ZNF567: variants seen among roughly 807,000 people sequenced by gnomAD.
ZNF567 encodes the protein zinc finger protein 567.
Under a neutral mutation model 53.9 loss-of-function variants are expected in ZNF567, and 36 were observed. The ratio of observed to expected loss-of-function variants is 0.67; its 90% CI spans 0.51 to 0.88. ZNF567 has a LOEUF of 0.88. Among genes scored for constraint, ZNF567 ranks in the 40% least tolerant of loss-of-function variants. ZNF567 has a pLI of 0.00. For synonymous variants in ZNF567, 224 were observed against 260.4 expected, an observed-to-expected ratio of 0.86 and a Z score of 1.35; for missense variants, 619 against 764.7, an observed-to-expected ratio of 0.81 and a Z score of 2.25.
chr19:36,719,680 G>A lies in ZNF567; in HGVS notation c.956G>A (p.Arg319His), dbSNP rs763031998. 19 of 1,613,958 alleles carry A rather than the reference G, an allele frequency of 1.2e-5. No individual in the cohort carries two copies. Among genetic ancestry groups the A allele is most frequent in the East Asian group, 8.9e-5 (4 of 44,882 alleles). ...FVCNECGKSF[R>H]LKTALTDHQR... ...TGCAATGAATGTGGTAAGTCCTTCC[G>A]CCTCAAGACAGCCCTCACTGATCAT... Residue 319 changes from arginine to histidine, a missense_variant, in exon 6 of 6, where the codon CGC (arginine) becomes CAC (histidine). Physicochemically the swap from Arg to His is conservative, Grantham distance 29 (BLOSUM62 0). Coordinates refer to ENST00000682579, the MANE Select transcript of ZNF567 (RefSeq NM_001322917.1).
intron 2 of ZNF567, among the ~76,000 whole-genome samples, chr19:36,694,238 C>T (rs559778087): frequency 6.6e-6 from 1 of 152,100 alleles, no homozygotes; most frequent in South Asian, 2.1e-4. Context: ...GGATTAATTT[C>T]CTTCCTTTAA....
downstream of ZNF567, chr19:36,727,051 T>TTTTTTTTATTTATTTATTTA (rs375039358): frequency 1.7e-5 from 2 of 120,866 alleles, no homozygotes; most frequent in Non-Finnish European, 3.3e-5. Context: ...AGTAGATCAA[T>TTTTTTTTATTTATTTATTTA]TTTATTTATT....
downstream of ZNF567, chr19:36,723,417 A>T (rs2040320430): frequency 1.8e-6 from 1 of 569,408 alleles, no homozygotes; most frequent in African/African-American, 1.9e-5. Context: ...GTTTCAGTAG[A>T]ACATTGTATC....
chr19:36,723,527 T>A (rs552007339), downstream of ZNF567, among the ~76,000 whole-genome samples: 1 of 152,280 alleles, frequency 6.6e-6, no homozygotes, highest in East Asian at 1.9e-4. Context: ...GGCAGTTTTA[T>A]AAATGGCCAA....
the ZNF567 span, among the ~76,000 whole-genome samples, chr19:36,676,055 CTTTTTTTTTTTTT>C: frequency 3.3e-5 from 2 of 60,600 alleles, no homozygotes; most frequent in East Asian, 5.1e-4. Flanking sequence ...TATTCTACAC[CTTTTTTTTTTTTT>C]TTTTTTTTTT....
chr19:36,721,058 G>GT lies in ZNF567; in HGVS notation c.*390_*391insT, dbSNP rs1253677696. 6.5e-6 allele frequency: 1 copy of GT among 153,178 alleles called. No individual in the cohort carries two copies. Among genetic ancestry groups the GT allele is most frequent in the Non-Finnish European group, 1.5e-5 (1 of 68,794 alleles). 9.5% of individuals were successfully genotyped at this position (153,178 alleles called of 1,614,324 possible). ...AAGCAGTTAGTTGTTACTTACCTAA[G>GT]AGTTACCACTTCCGTAGCCTATAAC... On this transcript the variant is annotated 3_prime_UTR_variant, in exon 6 of 6. Coordinates refer to ENST00000682579, the MANE Select transcript of ZNF567 (RefSeq NM_001322917.1).
Position 36,719,133 on chromosome 19 carries a change from C to T in ZNF567, c.409C>T (p.His137Tyr), listed in dbSNP as rs1312252269. The T allele has an allele frequency of 3.1e-6, 5 of 1,611,618 alleles. No individual in the cohort carries two copies. The highest frequency in any genetic ancestry group is 4.5e-5 in the East Asian group (2 of 44,850). Residue 137 changes from histidine to tyrosine, a missense_variant, in exon 6 of 6, where the codon CAT becomes TAT. By Grantham distance (83) the His-to-Tyr change is moderately conservative (BLOSUM62 2). Transcript: ENST00000682579. ...SKNLPPEYDT[H>Y]GRILKNVSEL... The stretch of plus-strand genomic sequence containing the variant: ...AAATCTACCTCCTGAATATGATACT[C>T]ATGGAAGGATTTTGAAAAATGTTTC...
intron 3 of ZNF567, among the ~76,000 whole-genome samples, chr19:36,710,641 G>C (rs1412392317): frequency 6.6e-6 from 1 of 152,096 alleles, no homozygotes; most frequent in African/African-American, 2.4e-5. Flanking sequence ...AAAGCAGATA[G>C]GTTCTCTCTT....
rs189874230 is a variant in ZNF567 at position 36,713,698 on chromosome 19, G to T, written c.223+831G>T. 1.7e-4 allele frequency among the ~76,000 whole-genome samples: 26 copies of T among 152,288 alleles called. No homozygotes were observed. The East Asian group carries it at 5.0e-3, about 29-fold the overall frequency. On this transcript the variant is annotated intron_variant, in intron 5 of 5. Coordinates refer to ENST00000682579, the MANE Select transcript of ZNF567 (RefSeq NM_001322917.1). ...ACCTGTAATCCTAGCACTTCGGGAG[G>T]CTGAGGCGGGCAGATCACCTGAGGT...
the ZNF567 span, among the ~76,000 whole-genome samples, chr19:36,671,796 C>T: frequency 7.9e-5 from 12 of 152,348 alleles, no homozygotes; most frequent in East Asian, 2.3e-3. Context: ...ATGCAACCTG[C>T]ACTACCCATC....
chr19:36,708,742 C>G (rs1176982200), intron 3 of ZNF567, among the ~76,000 whole-genome samples: 1 of 151,356 alleles, frequency 6.6e-6, no homozygotes, highest in African/African-American at 2.5e-5. Flanking sequence ...ACCATGTAGC[C>G]TTTTCAGAGT....
At chr19:36,706,215 G>A (rs1175619686) in intron 3 of ZNF567, among the ~76,000 whole-genome samples, 1 of 152,140 alleles carries the variant, frequency 6.6e-6, no homozygotes, top group African/African-American at 2.4e-5. Context: ...ATTCACAAAG[G>A]GAGAAATCTT....
At chr19:36,672,921 T>G in the ZNF567 span, among the ~76,000 whole-genome samples, 3 of 152,220 alleles carry the variant, frequency 2.0e-5, no homozygotes, top group Admixed American at 6.5e-5. Context: ...GAATACCAGC[T>G]ATAACCACGT....
rs544216502 is a variant in ZNF567 at position 36,719,784 on chromosome 19, C to T, written c.1060C>T (p.Arg354Cys). The T allele has an allele frequency of 1.1e-5, 18 of 1,613,838 alleles. No individual in the cohort carries two copies. Among genetic ancestry groups the T allele is most frequent in the Non-Finnish European group, 1.3e-5 (15 of 1,179,998 alleles). ...NAFRLKSHLI[R>C]HQRTHTGEKP... ...CTTCAGATTGAAGTCACACCTCATT[C>T]GTCATCAGAGAACTCACACGGGAGA... Residue 354 changes from arginine to cysteine, a missense_variant, in exon 6 of 6, where the codon CGT becomes TGT. By Grantham distance (180) the Arg-to-Cys change is radical. Transcript: ENST00000682579.
the ZNF567 span, among the ~76,000 whole-genome samples, chr19:36,677,458 C>CAAAAA: frequency 1.0e-3 from 52 of 50,910 alleles, 2 homozygotes; most frequent in Non-Finnish European, 1.7e-3. Context: ...GACTCTGTCT[C>CAAAAA]AAAAAAAAAA....
chr19:36,719,127 G>A lies in ZNF567; in HGVS notation c.403G>A (p.Asp135Asn), dbSNP rs1365390555. ...VNSKNLPPEY[D>N]THGRILKNVS... is the part of the protein sequence containing the mutation. ...TTCAAAAAATCTACCTCCTGAATATGATACTCATGGAAGGATTTTGAAAAA... is the reference window on the plus strand; with the variant it reads ...TTCAAAAAATCTACCTCCTGAATATAATACTCATGGAAGGATTTTGAAAAA... The change falls in exon 6 of 6, where the codon GAT (aspartate) becomes AAT (asparagine). Residue 135 changes from aspartate to asparagine, a missense_variant. By Grantham distance (23) the Asp-to-Asn change is conservative. Coordinates refer to ENST00000682579, the MANE Select transcript of ZNF567 (RefSeq NM_001322917.1). The A allele has an allele frequency of 6.2e-7, 1 of 1,611,444 alleles. No homozygotes were observed. The highest frequency in any genetic ancestry group is 8.5e-7 in the Non-Finnish European group (1 of 1,179,406).
intron 3 of ZNF567, among the ~76,000 whole-genome samples, chr19:36,697,918 C>CTTTTTTTTTTTTTTTTTTT (rs71171464): frequency 7.4e-6 from 1 of 135,746 alleles, no homozygotes; most frequent in Admixed American, 7.4e-5. Flanking sequence ...GCTGGAATTT[C>CTTTTTTTTTTTTTTTTTTT]TTTTTTTTTT....
At chr19:36,683,609 G>A (rs74486536), upstream of ZNF567, among the ~76,000 whole-genome samples, 835 of 152,168 alleles carry the variant, frequency 5.5e-3, 23 homozygotes, top group Admixed American at 0.037. Flanking sequence ...CAAGGCAGAC[G>A]GATCACAAGG....
At position 36,719,012 on chromosome 19, in the gene ZNF567, A is replaced by G. The variant is rs1388334774; in HGVS notation, c.288A>G (p.Arg96=). 1.4e-5 allele frequency: 22 copies of G among 1,602,820 alleles called. No individual in the cohort carries two copies. Among genetic ancestry groups the G allele is most frequent in the Middle Eastern group, 1.7e-4 (1 of 5,992 alleles). ...AGGAACACCAAGAGAAGTATTCTAG[A>G]TCAGTTGTAAGCATCAACCACAAAA... ...KFKEHQEKYS[R]SVVSINHKKL... The change falls in exon 6 of 6, where the codon AGA becomes AGG. Residue 96 remains arginine (R), a synonymous_variant. Transcript: ENST00000682579.
Sources: gnomAD v4.1 joint callset for allele counts (sites outside exome capture counted in the v4.1 genomes callset) on GRCh38, gnomAD v4.1.1 for gene constraint, MANE v1.5 for transcripts, NCBI Gene and HGNC (gene_info 2026-07-23, HGNC 2026-07-21) for gene names.